Variants in TMEM232 observed in about 807,000 individuals in gnomAD.
The protein encoded by TMEM232 is transmembrane protein 232.
In TMEM232, 80 loss-of-function variants were observed where a neutral mutation model predicts 78.8. The observed-to-expected ratio is 1.01, with a 90% CI of 0.85 to 1.22. TMEM232 has a LOEUF of 1.22. TMEM232 is among the 50% of genes most tolerant of loss of function. The probability of loss-of-function intolerance (pLI) is 0.00; values close to 1 mark genes in which losing one functional copy is unlikely to be tolerated. For synonymous variants in TMEM232, 297 were observed against 254.3 expected (o/e 1.17, Z -1.60); for missense variants, 881 against 742.2 (o/e 1.19, Z -2.17).
intron 1 of TMEM232, among the ~76,000 whole-genome samples, chr5:110,682,188 T>A (rs1464292660): frequency 6.6e-6 from 1 of 152,166 alleles, no homozygotes; most frequent in African/African-American, 2.4e-5. Flanking sequence ...AAGGAAATAA[T>A]AGCTTTAAGT....
intron 12 of TMEM232, among the ~76,000 whole-genome samples, chr5:110,457,074 G>C (rs1218435320): frequency 6.6e-6 from 1 of 151,948 alleles, no homozygotes. Flanking sequence ...AATGCTAAGA[G>C]ACTATAAAGA....
intron 12 of TMEM232, chr5:110,429,947 T>C (rs1426381855): frequency 6.6e-6 from 1 of 151,764 alleles, no homozygotes; most frequent in East Asian, 1.9e-4. Context: ...CTTAGTTCTA[T>C]TGCAATTTCT....
Position 110,463,170 on chromosome 5 carries a change from G to T in TMEM232, c.1704-38254C>A, listed in dbSNP as rs528689060. Among the ~76,000 whole-genome samples, 8 of 152,200 alleles carry T rather than the reference G, an allele frequency of 5.3e-5. No individual in the cohort carries two copies. In the South Asian group the frequency reaches 1.7e-3, roughly 32 times the overall value. ...TATTGTTGTCTTATTTTAAGAAATT[G>T]CCACAGCCACCCAAATCTTCAACAA... On this transcript the variant is annotated intron_variant, in intron 12 of 13. Transcript: ENST00000455884.
Position 110,674,616 on chromosome 5 carries a change from C to G in TMEM232, c.-12-7252G>C, listed in dbSNP as rs10070063. On this transcript the variant is annotated intron_variant, in intron 1 of 13. Transcript: ENST00000455884. ...AAGTATTACAAGAACCTGAAAAGTACTAATATTTCATCTGTTGGCTGTAGC... is the reference window on the plus strand; with the variant it reads ...AAGTATTACAAGAACCTGAAAAGTAGTAATATTTCATCTGTTGGCTGTAGC... Among the ~76,000 whole-genome samples, 312 of 152,300 alleles carry G rather than the reference C, an allele frequency of 2.0e-3. 1 individual carries two copies. The highest frequency in any genetic ancestry group is 7.1e-3 in the African/African-American group (295 of 41,562).
intron 11 of TMEM232, among the ~76,000 whole-genome samples, chr5:110,550,835 T>G (rs1774364798): frequency 6.6e-6 from 1 of 150,960 alleles, no homozygotes; most frequent in African/African-American, 2.4e-5. Context: ...AAAATGGAAC[T>G]TGACAAGTTG....
intron 2 of TMEM232, 34 bp downstream of exon 2, chr5:110,667,194 T>C (rs1165497918): frequency 1.3e-6 from 2 of 1,481,706 alleles, no homozygotes; most frequent in African/African-American, 1.4e-5. Flanking sequence ...TTCTCTACAA[T>C]ACATATGGGT....
chr5:110,403,693 T>C (rs1459223172), intron 2 of TMEM232, among the ~76,000 whole-genome samples: 1 of 152,016 alleles, frequency 6.6e-6, no homozygotes, highest in Non-Finnish European at 1.5e-5. Flanking sequence ...TTGAGTTTCA[T>C]ATATATTATG....
chr5:110,509,002 A>ATATATGTATATATGTATATATG (rs1265729103), intron 12 of TMEM232, among the ~76,000 whole-genome samples: 13 of 130,140 alleles, frequency 1.0e-4, no homozygotes, highest in African/African-American at 3.8e-5. Flanking sequence ...ATATATGTAT[A>ATATATGTATATATGTATATATG]TATATATGTA....
intron 5 of TMEM232, among the ~76,000 whole-genome samples, chr5:110,630,999 C>A (rs950855508): frequency 6.6e-6 from 1 of 152,062 alleles, no homozygotes; most frequent in Non-Finnish European, 1.5e-5. Flanking sequence ...ACCTAAGCAA[C>A]TACAGCAGTG....
chr5:110,584,237 C>T (rs1035856314), intron 10 of TMEM232, among the ~76,000 whole-genome samples: 10 of 151,556 alleles, frequency 6.6e-5, no homozygotes, highest in Admixed American at 4.6e-4. Context: ...AGTCAAGATA[C>T]GGAAACAACC....
intron 12 of TMEM232, among the ~76,000 whole-genome samples, chr5:110,497,727 G>A (rs894803015): frequency 1.3e-5 from 2 of 152,038 alleles, no homozygotes; most frequent in Non-Finnish European, 1.5e-5. Flanking sequence ...CACCTGGCCT[G>A]CTTTACACAC....
intron 11 of TMEM232, among the ~76,000 whole-genome samples, chr5:110,534,480 C>A (rs1772029093): frequency 6.6e-6 from 1 of 152,194 alleles, no homozygotes; most frequent in Admixed American, 6.5e-5. Context: ...CCCATTTAAG[C>A]TCCTGTATAG....
rs1410558617 is a variant in TMEM232, at chr5:110,605,110, G to T, written c.1275C>A (p.Asn425Lys). The change falls in exon 10 of 14, where the codon AAC (asparagine) becomes AAA (lysine). Residue 425 changes from asparagine (N) to lysine (K), a missense_variant and splice_region_variant. Asn to Lys is a moderately conservative substitution (Grantham distance 94). Transcript: ENST00000455884. ...CAAAGTAAAAAACAATCTACTTACA[G>T]TTCTCTGACATTTTTGAAGAGAAAT... Reference protein sequence around the residue: ...LEYFSSKMSENCDQVVWTGYY... With the variant: ...LEYFSSKMSEKCDQVVWTGYY... 1.3e-6 allele frequency: 2 copies of T among 1,538,846 alleles called. No individual in the cohort carries two copies. Among genetic ancestry groups the T allele is most frequent in the Admixed American group, 4.0e-5 (2 of 49,534 alleles).
rs149136211 is a variant in TMEM232 at position 110,459,757 on chromosome 5, G to C, written c.1704-34841C>G. On this transcript the variant is annotated intron_variant, in intron 12 of 13. Transcript: ENST00000455884. ...AACTTTATGATGGGGAAATCTATTA[G>C]ACACCCCCTTAACCAGGTGGCGAAA... 3.2e-3 allele frequency among the ~76,000 whole-genome samples: 485 copies of C among 152,226 alleles called. 2 individuals are homozygous for C. The highest frequency in any genetic ancestry group is 0.011 in the African/African-American group (466 of 41,534).
intron 2 of TMEM232, among the ~76,000 whole-genome samples, chr5:110,409,793 T>G (rs1320726593): frequency 6.6e-6 from 1 of 152,076 alleles, no homozygotes; most frequent in Non-Finnish European, 1.5e-5. Context: ...TTTGTGCACA[T>G]TGTCACTCAT....
chr5:110,389,119 G>T (rs1228170816), intron 4 of TMEM232, among the ~76,000 whole-genome samples: 1 of 152,098 alleles, frequency 6.6e-6, no homozygotes, highest in Non-Finnish European at 1.5e-5. Flanking sequence ...AAATTAGCTG[G>T]TCAAGTTGGC....
chr5:110,687,790 T>C (rs6880022), intron 1 of TMEM232, among the ~76,000 whole-genome samples: 3,567 of 152,152 alleles, frequency 0.023, 126 homozygotes, highest in African/African-American at 0.08. Context: ...TAAATCCTAA[T>C]TGCAAACCTT....
At chr5:110,621,944 A>T (rs553738904) in intron 7 of TMEM232, among the ~76,000 whole-genome samples, 17 of 152,296 alleles carry the variant, frequency 1.1e-4, no homozygotes, top group African/African-American at 4.1e-4. Context: ...TAAGTACATA[A>T]ATTATGAGTG....
In TMEM232 at chr5:110,655,546, C is replaced by A. The variant is rs1788919820; in HGVS notation, c.125+11682G>T. 9.1e-5 allele frequency among the ~76,000 whole-genome samples: 13 copies of A among 142,432 alleles called. 1 individual carries two copies. In the South Asian group the frequency reaches 3.2e-3, roughly 35 times the overall value. 93.4% of individuals were successfully genotyped at this position (142,432 alleles called of 152,430 possible). Reference sequence around the variant, plus strand: ...AGAAATACCATTTGACCCAGCCATCCCATTACTGGGTATATACCCAAAGGA... The same window carrying A: ...AGAAATACCATTTGACCCAGCCATCACATTACTGGGTATATACCCAAAGGA... On this transcript the variant is annotated intron_variant, in intron 2 of 13. Coordinates refer to ENST00000455884, the MANE Select transcript of TMEM232 (RefSeq NM_001039763.4).
Sources: allele counts gnomAD v4.1 joint callset (sites outside exome capture counted in the v4.1 genomes callset), GRCh38; gene constraint gnomAD v4.1.1; transcripts MANE v1.5; gene names NCBI Gene and HGNC (gene_info 2026-07-23, HGNC 2026-07-21).